DNHD1: variants seen among roughly 807,000 people sequenced by gnomAD.
DNHD1 encodes the protein dynein heavy chain domain-containing protein 1.
DNHD1 carries 383 observed loss-of-function variants against 458.1 expected under a neutral mutation model. The ratio of observed to expected loss-of-function variants is 0.84; its 90% confidence interval spans 0.77 to 0.91. The LOEUF (loss-of-function observed/expected upper bound fraction) is 0.91, where lower values mean the gene tolerates loss of function less well. Among genes scored for constraint, DNHD1 ranks in the 40% least tolerant of loss-of-function variants. The probability of loss-of-function intolerance (pLI) is 0.00; values close to 1 mark genes in which losing one functional copy is unlikely to be tolerated. For missense variants in DNHD1, 5,336 were observed against 5,866.1 expected, an observed-to-expected ratio of 0.91 and a Z score of 2.95; for synonymous variants, 2,203 against 2,376.9, an observed-to-expected ratio of 0.93 and a Z score of 2.13.
rs1439248747 is a variant in DNHD1, at chr11:6,547,201, G to A, written c.6262G>A (p.Gly2088Arg). The change falls in exon 21 of 43, where the codon GGA becomes AGA. Residue 2088 changes from glycine (G) to arginine (R), a missense_variant. By Grantham distance (125) the Gly-to-Arg change is moderately radical. Around this residue, in one of 4 missense-constraint regions of DNHD1, gnomAD observed 3,932 missense variants for 4,365.6 expected, o/e 0.90. Coordinates refer to ENST00000254579, the MANE Select transcript of DNHD1 (RefSeq NM_144666.3). ...GATCCAGCACTGGATAATATGTGATGGAGCCTCCAATGGTGCTTGGCTGGA... is the reference window on the plus strand; with the variant it reads ...GATCCAGCACTGGATAATATGTGATAGAGCCTCCAATGGTGCTTGGCTGGA... ...IGIQHWIICD[G>R]ASNGAWLDSI... 6.4e-7 allele frequency: 1 copy of A among 1,551,676 alleles called. No individual in the cohort carries two copies. The highest frequency in any genetic ancestry group is 8.7e-7 in the Non-Finnish European group (1 of 1,147,032).
In DNHD1 at chr11:6,548,267, C is replaced by G; in HGVS notation, c.6963C>G (p.Tyr2321Ter). ...ATTCTATTAGTCGCCTCTCCAACTA[C>G]CCTGAGCCACCACCCTCAGCCTTGG... is the stretch of plus-strand genomic sequence containing the variant. ...IRDSISRLSN[Y>*]PEPPPSALVF... The change falls in exon 23 of 43, where the codon TAC becomes TAG. Residue 2321 changes from tyrosine (Y) to a stop codon, truncating the protein, a stop_gained. Transcript: ENST00000254579. LOFTEE classifies it high-confidence loss of function. This position sits in a 1 kb window ranked among gnomAD's most constrained non-coding sequence, Gnocchi z 4.4. 1 of 1,551,684 alleles carries G rather than the reference C, an allele frequency of 6.4e-7. No homozygotes were observed. The highest frequency in any genetic ancestry group is 8.7e-7 in the Non-Finnish European group (1 of 1,146,984).
chr11:6,511,920 C>A (rs962253496), intron 7 of DNHD1, among the ~76,000 whole-genome samples: 1 of 152,186 alleles, frequency 6.6e-6, no homozygotes, highest in African/African-American at 2.4e-5. Flanking sequence ...TGTGTACTGA[C>A]CTCTTGCCCA....
Position 6,546,711 on chromosome 11 carries a change from C to A in DNHD1, c.5772C>A (p.His1924Gln). 1.3e-6 allele frequency: 2 copies of A among 1,551,750 alleles called. No individual in the cohort carries two copies. Among genetic ancestry groups the A allele is most frequent in the Non-Finnish European group, 1.7e-6 (2 of 1,146,982 alleles). The change falls in exon 21 of 43, where the codon CAC becomes CAA. Residue 1924 changes from histidine to glutamine, a missense_variant. His to Gln is a conservative substitution (Grantham distance 24, BLOSUM62 0). Around this residue, in one of 4 missense-constraint regions of DNHD1, gnomAD observed 3,932 missense variants for 4,365.6 expected, o/e 0.90. Coordinates refer to ENST00000254579, the MANE Select transcript of DNHD1 (RefSeq NM_144666.3). ...TGTTTAGCATTCTCAATGGGCTCCA[C>A]CTGCACAACCTCCGAGGGCTGTTGT... ...SPLFSILNGL[H>Q]LHNLRGLLCA...
At position 6,545,253 on chromosome 11, in the gene DNHD1, T is replaced by C; in HGVS notation, c.4314T>C (p.Leu1438=). The C allele has an allele frequency of 6.4e-7, 1 of 1,551,724 alleles. No homozygotes were observed. Among genetic ancestry groups the C allele is most frequent in the Non-Finnish European group, 8.7e-7 (1 of 1,147,000 alleles). Residue 1438 remains leucine, a synonymous_variant, in exon 21 of 43, where the codon CTT becomes CTC. Coordinates refer to ENST00000254579, the MANE Select transcript of DNHD1 (RefSeq NM_144666.3). The surrounding 1 kb of genome is among the most constrained non-coding windows in gnomAD (Gnocchi z 4.9). ...GGEEVKLQGP[L]PLHPDLPKWL... ...AGGAGGTGAAGCTGCAGGGTCCCCT[T>C]CCTCTGCATCCAGATCTCCCTAAGT...
Position 6,546,113 on chromosome 11 carries a change from A to G in DNHD1, c.5174A>G (p.Tyr1725Cys). The change falls in exon 21 of 43, where the codon TAT becomes TGT. Residue 1725 changes from tyrosine (Y) to cysteine (C), a missense_variant. Physicochemically the swap from Tyr to Cys is radical, Grantham distance 194. Transcript: ENST00000254579. ...ATAGAGGCTCAATGCCTGAGCAACT[A>G]TCTGAATGGTGCCCTGCAGGGTGGT... Reference protein sequence around the residue: ...PQIEAQCLSNYLNGALQGGAW... With the variant: ...PQIEAQCLSNCLNGALQGGAW... The G allele has an allele frequency of 1.9e-6, 3 of 1,551,574 alleles. No homozygotes were observed. Among genetic ancestry groups the G allele is most frequent in the Non-Finnish European group, 2.6e-6 (3 of 1,146,844 alleles).
At position 6,564,128 on chromosome 11, in the gene DNHD1, A is replaced by G; in HGVS notation, c.10284+4A>G. The G allele has an allele frequency of 1.3e-6, 2 of 1,546,478 alleles. No homozygotes were observed. Among genetic ancestry groups the G allele is most frequent in the Middle Eastern group, 1.7e-4 (1 of 5,944 alleles). On this transcript the variant is annotated splice_donor_region_variant and intron_variant, in intron 31 of 42. Coordinates refer to ENST00000254579, the MANE Select transcript of DNHD1 (RefSeq NM_144666.3). ...TGCCTGGACTACACAGCTCCAGGTA[A>G]CCATCCCCCTCCCAGATGTCTCCCC...
Position 6,545,045 on chromosome 11 carries a change from C to A in DNHD1, c.4106C>A (p.Ala1369Asp). Residue 1369 changes from alanine (A) to aspartate (D), a missense_variant, in exon 21 of 43, where the codon GCC (alanine) becomes GAC (aspartate). Physicochemically the swap from Ala to Asp is moderately radical, Grantham distance 126. Around this residue, in one of 4 missense-constraint regions of DNHD1, gnomAD observed 3,932 missense variants for 4,365.6 expected, o/e 0.90. Transcript: ENST00000254579. The surrounding 1 kb of genome is among the most constrained non-coding windows in gnomAD (Gnocchi z 4.9). ...LFFLSDSELV[A>D]LLAARLESCE... ...TTCCTTAGTGACAGTGAGCTGGTAGCCCTGCTGGCTGCTCGACTGGAATCA... is the reference window on the plus strand; with the variant it reads ...TTCCTTAGTGACAGTGAGCTGGTAGACCTGCTGGCTGCTCGACTGGAATCA... The A allele has an allele frequency of 6.4e-7, 1 of 1,551,892 alleles. No homozygotes were observed. The highest frequency in any genetic ancestry group is 1.2e-5 in the South Asian group (1 of 84,066).
chr11:6,504,596 T>A (rs1010953513), intron 4 of DNHD1, among the ~76,000 whole-genome samples: 4 of 152,168 alleles, frequency 2.6e-5, no homozygotes, highest in Non-Finnish European at 4.4e-5. Flanking sequence ...ATTACAGGCA[T>A]GTGTCACCAC....
intron 4 of DNHD1, chr11:6,508,100 T>C (rs1459261183): frequency 2.0e-5 from 3 of 152,116 alleles, no homozygotes; most frequent in African/African-American, 7.2e-5. Context: ...CTGAGTTATA[T>C]AAAGAAAACT....
In DNHD1 at chr11:6,548,253, C is replaced by T. The variant is rs1404705233; in HGVS notation, c.6949C>T (p.Arg2317Cys). The T allele has an allele frequency of 7.1e-6, 11 of 1,551,534 alleles. No homozygotes were observed. Among genetic ancestry groups the T allele is most frequent in the African/African-American group, 2.7e-5 (2 of 73,018 alleles). Residue 2317 changes from arginine to cysteine, a missense_variant, in exon 23 of 43, where the codon CGC (arginine) becomes TGC (cysteine). By Grantham distance (180) the Arg-to-Cys change is radical. Transcript: ENST00000254579. The surrounding 1 kb of genome is among the most constrained non-coding windows in gnomAD (Gnocchi z 4.4). ...TACCTTCATAAGGGATTCTATTAGT[C>T]GCCTCTCCAACTACCCTGAGCCACC... ...FDTFIRDSIS[R>C]LSNYPEPPPS...
In DNHD1 at chr11:6,533,953, G is replaced by A. The variant is rs377432372; in HGVS notation, c.2778G>A (p.Leu926=). 169 of 1,551,236 alleles carry A rather than the reference G, an allele frequency of 1.1e-4. No homozygotes were observed. Among genetic ancestry groups the A allele is most frequent in the Admixed American group, 3.9e-5 (2 of 50,934 alleles). ...AGAAAAGCCAGGCTTCAGAGTTCCT[G>A]CTCAGCAAGCGACATGCCATTATGC... is the stretch of plus-strand genomic sequence containing the variant. The part of the protein sequence containing the change: ...QFEKSQASEF[L]LSKRHAIMPK... The change falls in exon 14 of 43, where the codon CTG becomes CTA. Residue 926 remains leucine, a synonymous_variant. Coordinates refer to ENST00000254579, the MANE Select transcript of DNHD1 (RefSeq NM_144666.3).
Position 6,520,005 on chromosome 11 carries a change from T to C in DNHD1, c.1688T>C (p.Phe563Ser). Residue 563 changes from phenylalanine (F) to serine (S), a missense_variant, in exon 9 of 43, where the codon TTT (phenylalanine) becomes TCT (serine). This residue lies in a region of DNHD1 where 3,932 missense variants were observed against 4,365.6 expected (regional missense o/e 0.90). Transcript: ENST00000254579. ...QKPFLSSQLV[F>S]DDHGQLSHVP... is the part of the protein sequence containing the mutation. ...CCCTTTCTCTCATCACAGCTGGTCT[T>C]TGATGATCATGGTCAACTGTCTCAT... 1.2e-6 allele frequency: 2 copies of C among 1,614,210 alleles called. No individual in the cohort carries two copies. Among genetic ancestry groups the C allele is most frequent in the Admixed American group, 3.3e-5 (2 of 60,028 alleles).
intron 7 of DNHD1, among the ~76,000 whole-genome samples, chr11:6,518,219 C>T (rs1175188678): frequency 6.6e-6 from 1 of 152,094 alleles, no homozygotes; most frequent in Non-Finnish European, 1.5e-5. Context: ...TACCGCCACG[C>T]CTGGCTAATT....
rs1243745974 is a variant in DNHD1 at position 6,529,126 on chromosome 11, G to A, written c.2347+5G>A. The A allele has an allele frequency of 5.2e-6, 8 of 1,549,710 alleles. No homozygotes were observed. The Admixed American group carries it at 5.9e-5, about 11-fold the overall frequency. Reference sequence around the variant, plus strand: ...ATGATGTACAGGCAGAGATGGGTGAGTACTGCTTCTCTTCCCTCTCCTCCT... The same window carrying A: ...ATGATGTACAGGCAGAGATGGGTGAATACTGCTTCTCTTCCCTCTCCTCCT... On this transcript the variant is annotated splice_donor_5th_base_variant and intron_variant, in intron 12 of 42. Coordinates refer to ENST00000254579, the MANE Select transcript of DNHD1 (RefSeq NM_144666.3).
chr11:6,556,590 T>C, intron 24 of DNHD1, 93 bp from the exon 25 acceptor site: 1 of 1,294,730 alleles, frequency 7.7e-7, no homozygotes, highest in Non-Finnish European at 1.0e-6. Context: ...ACAAAATTCC[T>C]TTAGAACCGT....
Position 6,571,666 on chromosome 11 carries a change from G to A in DNHD1, c.13942G>A (p.Glu4648Lys). ...GAATGGTCCAAATCCCACGGTTCCA[G>A]AGAGAGGGCTGCTGCTGATCGGGCT... is the stretch of plus-strand genomic sequence containing the variant. ...VENGPNPTVPERGLLLIGLQV... is the reference protein window; with the variant it reads ...VENGPNPTVPKRGLLLIGLQV... Residue 4648 changes from glutamate (E) to lysine (K), a missense_variant, in exon 43 of 43, where the codon GAG becomes AAG. Coordinates refer to ENST00000254579, the MANE Select transcript of DNHD1 (RefSeq NM_144666.3). The surrounding 1 kb of genome is among the most constrained non-coding windows in gnomAD (Gnocchi z 5.0). 1 of 1,605,604 alleles carries A rather than the reference G, an allele frequency of 6.2e-7. No homozygotes were observed. Among genetic ancestry groups the A allele is most frequent in the South Asian group, 1.1e-5 (1 of 89,656 alleles).
At chr11:6,519,499 C>T in intron 7 of DNHD1, 101 bp from the exon 8 acceptor site, 2 of 1,348,544 alleles carry the variant, frequency 1.5e-6, no homozygotes, top group Non-Finnish European at 2.1e-6. Context: ...TATCTAGGTT[C>T]TAGGTCCCAG....
chr11:6,506,324 T>G (rs1005035881), intron 4 of DNHD1, among the ~76,000 whole-genome samples: 5 of 152,186 alleles, frequency 3.3e-5, no homozygotes, highest in Admixed American at 6.5e-5. Context: ...TTTACTCCTG[T>G]GTTGTAGCCA....
intron 14 of DNHD1, among the ~76,000 whole-genome samples, chr11:6,536,073 G>T (rs1436560364): frequency 1.3e-5 from 2 of 152,084 alleles, no homozygotes; most frequent in African/African-American, 2.4e-5. Context: ...TTATGTAGTA[G>T]TCCAGCTGAG....
Sources: gnomAD v4.1 joint callset for allele counts (sites outside exome capture counted in the v4.1 genomes callset) on GRCh38, gnomAD v4.1.1 for gene constraint, gnomAD v4.1.1 regional missense constraint, Gnocchi (gnomAD v3.1) non-coding constraint, MANE v1.5 for transcripts, NCBI Gene and HGNC (gene_info 2026-07-23, HGNC 2026-07-21) for gene names.